The following REEP5 variants were observed in gnomAD, a reference collection of about 807,000 sequenced individuals.
REEP5 encodes the protein receptor accessory protein 5, also known as receptor expression-enhancing protein 5.
A neutral mutation model predicts 22.4 loss-of-function variants in REEP5; 24 were observed. The observed-to-expected ratio is 1.07, with a 90% CI of 0.78 to 1.51. The LOEUF (loss-of-function observed/expected upper bound fraction) is 1.51. Among genes scored for constraint, REEP5 ranks in the 40% most tolerant of loss-of-function variants. The pLI is 0.00. For missense variants in REEP5, 252 were observed against 233.0 expected, an observed-to-expected ratio of 1.08 and a Z score of -0.53; for synonymous variants, 103 against 88.6, an observed-to-expected ratio of 1.16 and a Z score of -0.92.
chr5:112,888,571 GAA>G (rs1306639710), intron 3 of REEP5, among the ~76,000 whole-genome samples: 1,946 of 143,870 alleles, frequency 0.014, 51 homozygotes, highest in East Asian at 0.07. Flanking sequence ...CTGCAGGCAT[GAA>G]CCACCAGGCC....
intron 3 of REEP5, among the ~76,000 whole-genome samples, chr5:112,890,742 A>C (rs1389822813): frequency 1.3e-5 from 2 of 150,756 alleles, no homozygotes; most frequent in African/African-American, 4.9e-5. Context: ...CAAAGAGTTA[A>C]TATAGTATAT....
intron 4 of REEP5, among the ~76,000 whole-genome samples, chr5:112,882,557 CTA>C (rs1768113201): frequency 6.6e-6 from 1 of 152,212 alleles, no homozygotes; most frequent in African/African-American, 2.4e-5. Context: ...ACTGGTTTCA[CTA>C]TAAATTCATG....
chr5:112,901,563 T>C (rs1470733823), intron 3 of REEP5, among the ~76,000 whole-genome samples: 1 of 151,848 alleles, frequency 6.6e-6, no homozygotes, highest in Admixed American at 6.6e-5. Flanking sequence ...AATACAAAAA[T>C]TGACCAGGCG....
chr5:112,883,715 T>C (rs1455204465), intron 4 of REEP5, among the ~76,000 whole-genome samples: 1 of 152,186 alleles, frequency 6.6e-6, no homozygotes, highest in African/African-American at 2.4e-5. Context: ...ATTTGACTAA[T>C]CCTTGTAGGT....
rs542283204 is a variant in REEP5 at position 112,878,690 on chromosome 5, C to T, written c.*96G>A. On this transcript the variant is annotated 3_prime_UTR_variant, in exon 5 of 5. Transcript: ENST00000379638. Reference sequence around the variant, plus strand: ...TAATATCTCAAAAATGTTTCCAAGGCAACATTATTAAAATAATTATACCAC... The same window carrying T: ...TAATATCTCAAAAATGTTTCCAAGGTAACATTATTAAAATAATTATACCAC... 7 of 1,508,950 alleles carry T rather than the reference C, an allele frequency of 4.6e-6. No homozygotes were observed. Among genetic ancestry groups the T allele is most frequent in the African/African-American group, 1.4e-5 (1 of 71,094 alleles). The allele number at this position is 1,508,950 out of a possible 1,614,324, so 93.5% of individuals were successfully genotyped here. A position where few individuals can be genotyped will look rare whatever the true frequency, so the allele number is the denominator to read the frequency against.
At chr5:112,912,905 A>G (rs781514208) in intron 2 of REEP5, among the ~76,000 whole-genome samples, 2 of 152,244 alleles carry the variant, frequency 1.3e-5, no homozygotes, top group Non-Finnish European at 2.9e-5. Flanking sequence ...AGAAAAAAAG[A>G]AGGCAGGAAA....
intron 3 of REEP5, among the ~76,000 whole-genome samples, chr5:112,889,546 G>A (rs995748236): frequency 4.0e-5 from 6 of 150,514 alleles, no homozygotes; most frequent in South Asian, 2.1e-4. Flanking sequence ...CTTTGCATAT[G>A]TTTGCAATAG....
chr5:112,913,389 AAGAG>A (rs1448000378), intron 2 of REEP5, among the ~76,000 whole-genome samples: 1 of 140,784 alleles, frequency 7.1e-6, no homozygotes, highest in Non-Finnish European at 1.5e-5. Context: ...AAGAGAAAGA[AAGAG>A]AAAGAAAGAA....
intron 3 of REEP5, among the ~76,000 whole-genome samples, chr5:112,889,242 A>G (rs1445697565): frequency 1.4e-5 from 2 of 137,942 alleles, no homozygotes; most frequent in Non-Finnish European, 2.9e-5. Flanking sequence ...TCTCAAAAAC[A>G]AAACAAAACC....
intron 3 of REEP5, among the ~76,000 whole-genome samples, chr5:112,898,791 T>C (rs1768771412): frequency 1.3e-5 from 2 of 152,234 alleles, no homozygotes; most frequent in Admixed American, 1.3e-4. Context: ...TGTAAGAATA[T>C]TTTTATAAAT....
intron 3 of REEP5, chr5:112,896,444 A>T (rs1268016224): frequency 6.6e-6 from 1 of 152,214 alleles, no homozygotes; most frequent in Non-Finnish European, 1.5e-5. Flanking sequence ...AATTGCTTGA[A>T]TGCGGGAAGT....
chr5:112,922,200 C>T lies in REEP5; in HGVS notation c.-10G>A, dbSNP rs759707100. 1.3e-5 allele frequency: 21 copies of T among 1,602,142 alleles called. No individual in the cohort carries two copies. In the East Asian group the frequency reaches 3.2e-4, roughly 24 times the overall value. On this transcript the variant is annotated 5_prime_UTR_variant, in exon 1 of 5. Transcript: ENST00000379638. ...TCATGGCCGCAGACATGGCGGGGAC[C>T]GTCTCGCCGCTCGGGGCTGTTCCTA...
intron 2 of REEP5, among the ~76,000 whole-genome samples, chr5:112,918,292 A>G (rs1161953026): frequency 6.6e-6 from 1 of 152,206 alleles, no homozygotes; most frequent in African/African-American, 2.4e-5. Flanking sequence ...GTTGCTCCCC[A>G]GTGAGCACTG....
At chr5:112,886,946 G>T in intron 4 of REEP5, 69 bp downstream of exon 4, 1 of 1,178,422 alleles carries the variant, frequency 8.5e-7, no homozygotes, top group Non-Finnish European at 1.2e-6. Context: ...AGGCCAGGAA[G>T]CCTGTTATTT....
Position 112,903,197 on chromosome 5 carries a change from C to T in REEP5, c.213-679G>A, listed in dbSNP as rs535971774. Reference sequence around the variant, plus strand: ...ACATTTAAAATAATTTTCTAAATCACAGAAATTTCCTTCAGTCCTAGGAAT... The same window carrying T: ...ACATTTAAAATAATTTTCTAAATCATAGAAATTTCCTTCAGTCCTAGGAAT... On this transcript the variant is annotated intron_variant, in intron 2 of 4. Coordinates refer to ENST00000379638, the MANE Select transcript of REEP5 (RefSeq NM_005669.5). Among the ~76,000 whole-genome samples the T allele has an allele frequency of 6.2e-4, 95 of 152,182 alleles. 1 individual carries two copies. The highest frequency in any genetic ancestry group is 4.1e-4 in the Non-Finnish European group (28 of 68,028).
intron 4 of REEP5, chr5:112,885,646 C>A: frequency 3.4e-6 from 1 of 296,616 alleles, no homozygotes. Flanking sequence ...CAGCCTGGAG[C>A]AGCTCCCAGA....
intron 2 of REEP5, among the ~76,000 whole-genome samples, chr5:112,906,236 G>A (rs925413981): frequency 1.3e-5 from 2 of 152,176 alleles, no homozygotes; most frequent in Non-Finnish European, 2.9e-5. Context: ...AGAAGAAACC[G>A]AGGCTTAGTG....
chr5:112,894,566 G>T (rs1768620685), intron 3 of REEP5: 1 of 152,198 alleles, frequency 6.6e-6, no homozygotes, highest in African/African-American at 2.4e-5. Context: ...AGAATCCTTG[G>T]TGGACATTTT....
In REEP5 at chr5:112,891,506, G is replaced by C. The variant is rs573987129; in HGVS notation, c.352-4323C>G. The C allele has an allele frequency of 5.7e-6, 7 of 1,221,440 alleles. No individual in the cohort carries two copies. In the African/African-American group the frequency reaches 1.1e-4, roughly 19 times the overall value. 75.7% of individuals were successfully genotyped at this position (1,221,440 alleles called of 1,614,324 possible). A position where few individuals can be genotyped will look rare whatever the true frequency, so the allele number is the denominator to read the frequency against. ...TGAAAGTAATTTGTAATATATATAA[G>C]TATGCAAACAAAACAATACTAGAAA... On this transcript the variant is annotated intron_variant, in intron 3 of 4. Transcript: ENST00000379638.
Sources: allele counts gnomAD v4.1 joint callset (sites outside exome capture counted in the v4.1 genomes callset), GRCh38; gene constraint gnomAD v4.1.1; transcripts MANE v1.5; gene names NCBI Gene and HGNC (gene_info 2026-07-23, HGNC 2026-07-21).